The following PRH1 variants were observed in gnomAD, a reference collection of about 807,000 sequenced individuals.
PRH1 encodes salivary acidic proline-rich phosphoprotein 1/2.
Under a neutral mutation model 7.9 loss-of-function variants are expected in PRH1, and 7 were observed. The ratio of observed to expected loss-of-function variants is 0.89; its 90% confidence interval spans 0.50 to 1.67. The LOEUF (loss-of-function observed/expected upper bound fraction) is 1.67. Ranked by LOEUF, PRH1 falls within the 40% of genes most tolerant of loss-of-function variation. The pLI is 0.00. For synonymous variants in PRH1, 45 were observed against 80.8 expected (o/e 0.56, Z 2.38); for missense variants, 109 against 223.6 (o/e 0.49, Z 3.27).
At chr12:11,116,843 T>A (rs1344405620), downstream of PRH1, among the ~76,000 whole-genome samples, 1 of 152,116 alleles carries the variant, frequency 6.6e-6, no homozygotes, top group Non-Finnish European at 1.5e-5. Flanking sequence ...TTTTAATTAA[T>A]GCTGAAAAAG....
intron 1 of PRH1, among the ~76,000 whole-genome samples, chr12:11,014,378 A>C (rs575324500): frequency 1.7e-5 from 2 of 117,594 alleles, no homozygotes; most frequent in Non-Finnish European, 4.0e-5. Context: ...CAATGCAGCT[A>C]ATAGAGCATG....
chr12:10,984,007 C>A, intron 1 of PRH1, among the ~76,000 whole-genome samples: 1 of 151,704 alleles, frequency 6.6e-6, no homozygotes, highest in East Asian at 1.9e-4. Context: ...TTTAATATGG[C>A]AATTTAAATG....
intron 2 of PRH1, among the ~76,000 whole-genome samples, chr12:10,918,296 AG>A (rs1207793355): frequency 1.3e-5 from 2 of 152,134 alleles, no homozygotes; most frequent in African/African-American, 4.8e-5. Flanking sequence ...ATAGGTTGAT[AG>A]GTGCAGCAAA....
rs532009047 is a variant in PRH1 at position 10,915,327 on chromosome 12, C to G, written c.-58-31052G>C. Among the ~76,000 whole-genome samples, 22 of 152,212 alleles carry G rather than the reference C, an allele frequency of 1.4e-4. No individual in the cohort carries two copies. The South Asian group carries it at 4.6e-3, about 32-fold the overall frequency. ...TAAATATCTGGTTTCCTGAATGAAGCCTTACAATGCTCAAAGTATCTGATA... is the reference window on the plus strand; with the variant it reads ...TAAATATCTGGTTTCCTGAATGAAGGCTTACAATGCTCAAAGTATCTGATA... On this transcript the variant is annotated intron_variant, in intron 2 of 3. Transcript: ENST00000539853.
At chr12:10,977,069 G>C (rs1939136288) in intron 1 of PRH1, among the ~76,000 whole-genome samples, 1 of 152,104 alleles carries the variant, frequency 6.6e-6, no homozygotes, top group African/African-American at 2.4e-5. Flanking sequence ...ATTCTATAAA[G>C]CCAGCAGCAC....
At position 11,054,903 on chromosome 12, in the gene PRH1, TCCGC is replaced by T. The variant is rs1943302222; in HGVS notation, n.124-7719_124-7716del. On this transcript the variant is annotated intron_variant and non_coding_transcript_variant, in intron 1 of 4. Coordinates refer to the PRH1 transcript ENST00000541977. ...CTGCAAGCTCTGCCTCACTGCAAGC[TCCGC>T]CTCACTGCAAGCTCCGCCTCACTGC... Among the ~76,000 whole-genome samples the T allele has an allele frequency of 2.4e-5, 3 of 123,134 alleles. No individual in the cohort carries two copies. The Admixed American group carries it at 2.6e-4, about 11-fold the overall frequency. The allele number at this position is 123,134 out of a possible 152,430, so 80.8% of individuals were successfully genotyped here.
intron 1 of PRH1, among the ~76,000 whole-genome samples, chr12:11,107,368 G>T (rs1375584719): frequency 6.6e-6 from 1 of 152,104 alleles, no homozygotes; most frequent in Non-Finnish European, 1.5e-5. Flanking sequence ...CTACAATTAA[G>T]ATAAGAGAAA....
chr12:10,986,043 G>T, intron 1 of PRH1: 10 of 1,614,040 alleles, frequency 6.2e-6, no homozygotes, highest in Non-Finnish European at 8.5e-6. Flanking sequence ...TGAGTCGAAT[G>T]CAAGATATAT....
At chr12:11,120,851 GATT>G in exon 2 of PRH1, 1 of 152,966 alleles carries the variant, frequency 6.5e-6, no homozygotes, top group East Asian at 1.9e-4. Context: ...TTAGTCCACA[GATT>G]CTGAATTACA....
intron 2 of PRH1, among the ~76,000 whole-genome samples, chr12:10,934,139 C>T (rs1950252632): frequency 6.6e-6 from 1 of 152,096 alleles, no homozygotes; most frequent in Admixed American, 6.5e-5. Flanking sequence ...ATTTTTAATG[C>T]CATTGTGATA....
At chr12:11,005,157 C>T (rs1188488829) in intron 1 of PRH1, among the ~76,000 whole-genome samples, 1 of 152,118 alleles carries the variant, frequency 6.6e-6, no homozygotes, top group Non-Finnish European at 1.5e-5. Context: ...TCAATGCTGT[C>T]TTTATGGAAA....
chr12:11,120,696 T>C (rs1032171596), downstream of PRH1: 1 of 152,134 alleles, frequency 6.6e-6, no homozygotes, highest in Non-Finnish European at 1.5e-5. Flanking sequence ...AAAGTATCTG[T>C]GGGAGGTTTG....
chr12:10,950,489 T>C (rs1204645144), intron 2 of PRH1, among the ~76,000 whole-genome samples: 2 of 151,848 alleles, frequency 1.3e-5, no homozygotes, highest in South Asian at 4.1e-4. Flanking sequence ...AAAAATTACA[T>C]ATTACTCTTT....
intron 1 of PRH1, among the ~76,000 whole-genome samples, chr12:11,136,767 C>T (rs1946566988): frequency 2.0e-5 from 3 of 152,140 alleles, no homozygotes; most frequent in Admixed American, 1.3e-4. Flanking sequence ...GGGTGGCTCA[C>T]ACCCATAATC....
chr12:10,991,058 G>A (rs1939908750), intron 1 of PRH1, among the ~76,000 whole-genome samples: 1 of 152,164 alleles, frequency 6.6e-6, no homozygotes, highest in Non-Finnish European at 1.5e-5. Context: ...TTAGAGAAAG[G>A]ATTCTAGAGA....
intron 1 of PRH1, among the ~76,000 whole-genome samples, chr12:11,129,216 G>A (rs1350738344): frequency 2.6e-5 from 4 of 152,294 alleles, no homozygotes; most frequent in East Asian, 1.9e-4. Context: ...CATCCAGCCC[G>A]CAGTGGGAGT....
upstream of PRH1, among the ~76,000 whole-genome samples, chr12:10,887,833 C>A (rs369991324): frequency 1.3e-5 from 2 of 152,018 alleles, no homozygotes; most frequent in Non-Finnish European, 2.9e-5. Context: ...CGGATGTTGT[C>A]GATGTTGTTT....
intron 1 of PRH1, chr12:10,996,834 T>C (rs936949901): frequency 4.1e-6 from 4 of 987,450 alleles, no homozygotes; most frequent in Admixed American, 3.1e-5. Context: ...TGTCAACTTT[T>C]GGAAATTACT....
chr12:10,886,638 A>G (rs890093159), upstream of PRH1, among the ~76,000 whole-genome samples: 1 of 152,158 alleles, frequency 6.6e-6, no homozygotes, highest in South Asian at 2.1e-4. Context: ...CCTCAGCACC[A>G]CACTTGCCTT....
Sources: allele counts gnomAD v4.1 joint callset (sites outside exome capture counted in the v4.1 genomes callset), GRCh38; gene constraint gnomAD v4.1.1; transcripts MANE v1.5; gene names NCBI Gene and HGNC (gene_info 2026-07-23, HGNC 2026-07-21).